The following RERE variants were observed in gnomAD, a reference collection of about 807,000 sequenced individuals.
The protein encoded by RERE is arginine-glutamic acid dipeptide repeats protein.
RERE carries 40 observed loss-of-function variants against 146.1 expected under a neutral mutation model. That is an observed-to-expected ratio of 0.27 (90% CI 0.21 to 0.36). The LOEUF (loss-of-function observed/expected upper bound fraction) is 0.36. Among genes scored for constraint, RERE ranks in the 10% least tolerant of loss-of-function variants. The pLI is 1.00. For missense variants in RERE, 1,933 were observed against 2,138.7 expected (o/e 0.90, Z 1.90); for synonymous variants, 1,003 against 866.0 (o/e 1.16, Z -2.78).
chr1:8,448,274 G>A (rs1372458246), intron 11 of RERE, among the ~76,000 whole-genome samples: 2 of 152,170 alleles, frequency 1.3e-5, no homozygotes, highest in Non-Finnish European at 2.9e-5. Flanking sequence ...TTCTTAGTGA[G>A]AGGACCAATG....
intron 1 of RERE, among the ~76,000 whole-genome samples, chr1:8,702,173 A>G (rs915241403): frequency 1.3e-5 from 2 of 152,192 alleles, no homozygotes; most frequent in Admixed American, 6.5e-5. Context: ...CTCAATCTTA[A>G]AACACAGAGG....
At chr1:8,779,620 G>A (rs566455444) in intron 1 of RERE, among the ~76,000 whole-genome samples, 4 of 151,926 alleles carry the variant, frequency 2.6e-5, no homozygotes, top group Middle Eastern at 3.4e-3. Flanking sequence ...CCGAGATCAC[G>A]CCACTGCACT....
intron 1 of RERE, among the ~76,000 whole-genome samples, chr1:8,804,621 C>T (rs1472228): frequency 0.8 from 121,163 of 152,146 alleles, 48,609 homozygotes; most frequent in East Asian, 0.95. Flanking sequence ...CGAAGGGACA[C>T]AGCAGAAGCG....
In RERE at chr1:8,361,167, C is replaced by T. The variant is rs550110060; in HGVS notation, c.2340G>A (p.Thr780=). The T allele has an allele frequency of 5.9e-5, 85 of 1,452,986 alleles. No individual in the cohort carries two copies. The highest frequency in any genetic ancestry group is 7.4e-5 in the Non-Finnish European group (82 of 1,108,496). The allele number at this position is 1,452,986 out of a possible 1,614,324, so 90.0% of individuals were successfully genotyped here. The stretch of plus-strand genomic sequence containing the variant: ...GTGGCTGGTTAGGGGCCTGGGAGGC[C>T]GTGGGGGAGCCCTGTGGGGGAACTG... ...ATAVPPQGSP[T]ASQAPNQPQA... is the part of the protein sequence containing the mutation. Residue 780 remains threonine (T), a synonymous_variant, in exon 18 of 23, where the codon ACG becomes ACA. Transcript: ENST00000400908.
intron 8 of RERE, among the ~76,000 whole-genome samples, chr1:8,502,474 GC>G (rs1200765090): frequency 7.9e-6 from 1 of 127,130 alleles, no homozygotes; most frequent in Non-Finnish European, 1.7e-5. Context: ...GGGGGGGTCA[GC>G]CCCCTGCCCG....
At chr1:8,616,104 C>A (rs189354412) in intron 3 of RERE, among the ~76,000 whole-genome samples, 1 of 152,148 alleles carries the variant, frequency 6.6e-6, no homozygotes, top group East Asian at 1.9e-4. Flanking sequence ...CCAGAAGCAT[C>A]AAAATAAAAA....
chr1:8,525,724 C>T (rs758568964), intron 7 of RERE: 2 of 1,571,966 alleles, frequency 1.3e-6, no homozygotes, highest in Admixed American at 1.9e-5. Context: ...CAAAACCCAT[C>T]ACTGTTTCGG....
chr1:8,789,301 A>AAAAAAAAAATATATAT, intron 1 of RERE, among the ~76,000 whole-genome samples: 1 of 24,810 alleles, frequency 4.0e-5, no homozygotes, highest in African/African-American at 2.3e-4. Context: ...AAAAAAAAAA[A>AAAAAAAAAATATATAT]ATATATATAT....
At chr1:8,487,352 G>A (rs1482627475) in intron 10 of RERE, among the ~76,000 whole-genome samples, 2 of 152,076 alleles carry the variant, frequency 1.3e-5, no homozygotes, top group Non-Finnish European at 2.9e-5. Context: ...GGAAGCTGAG[G>A]AGGATCACTT....
chr1:8,793,129 C>CCTGG (rs1005718423), intron 1 of RERE, among the ~76,000 whole-genome samples: 1 of 137,360 alleles, frequency 7.3e-6, no homozygotes, highest in African/African-American at 2.7e-5. Flanking sequence ...TGCACTCCAG[C>CCTGG]CTGGGAGACA....
In RERE at chr1:8,355,557, G is replaced by A. The variant is rs1553153672; in HGVS notation, c.4529C>T (p.Pro1510Leu). Residue 1510 changes from proline to leucine, a missense_variant, in exon 22 of 23, where the codon CCC (proline) becomes CTC (leucine). By Grantham distance (98) the Pro-to-Leu change is moderately conservative. Transcript: ENST00000400908. ...PRDLPGAIPP[P>L]MSAAHQLQAM... ...CTGCAGCTGGTGGGCTGCTGACATG[G>A]GGGGTGGGATGGCCCCAGGCAGGTC... is the stretch of plus-strand genomic sequence containing the variant. The A allele has an allele frequency of 6.2e-7, 1 of 1,605,160 alleles. No individual in the cohort carries two copies. Among genetic ancestry groups the A allele is most frequent in the Non-Finnish European group, 8.5e-7 (1 of 1,175,110 alleles).
chr1:8,400,142 CTAAT>C lies in RERE; in HGVS notation c.1284+22581_1284+22584del, dbSNP rs1229988142. Reference sequence around the variant, plus strand: ...TTTTTCTATATTTTCATTTGCTCCACTAATTAAGTGTCTACATTTTTAATATAAA... The same window carrying C: ...TTTTTCTATATTTTCATTTGCTCCACTAAGTGTCTACATTTTTAATATAAA... On this transcript the variant is annotated intron_variant, in intron 12 of 22. Coordinates refer to ENST00000400908, the MANE Select transcript of RERE (RefSeq NM_001042681.2). Among the ~76,000 whole-genome samples the C allele has an allele frequency of 5.3e-5, 8 of 152,004 alleles. No homozygotes were observed. The East Asian group carries it at 7.7e-4, about 15-fold the overall frequency.
intron 1 of RERE, among the ~76,000 whole-genome samples, chr1:8,783,854 C>G (rs558391572): frequency 3.7e-4 from 57 of 152,180 alleles, no homozygotes; most frequent in African/African-American, 1.1e-3. Flanking sequence ...TGGGTGGTCC[C>G]CAGAAAGATA....
intron 4 of RERE, among the ~76,000 whole-genome samples, chr1:8,560,250 T>TA (rs1646061920): frequency 6.6e-6 from 1 of 152,162 alleles, no homozygotes; most frequent in Non-Finnish European, 1.5e-5. Flanking sequence ...TGTGCACTGT[T>TA]AGATGCTTAT....
intron 1 of RERE, among the ~76,000 whole-genome samples, chr1:8,774,108 C>T (rs117752639): frequency 2.0e-5 from 3 of 152,146 alleles, no homozygotes; most frequent in Non-Finnish European, 4.4e-5. Context: ...AATCCACACA[C>T]GCAGCCAAAC....
rs1641591722 is a variant in RERE, at chr1:8,361,801, C to T, written c.1978G>A (p.Glu660Lys). ...QREKVASDTE[E>K]ADRTSSKKTK... Reference sequence around the variant, plus strand: ...TTCTTGGAGCTGGTCCTGTCAGCCTCCTCCGTATCAGAGGCCACCTTCTCC... The same window carrying T: ...TTCTTGGAGCTGGTCCTGTCAGCCTTCTCCGTATCAGAGGCCACCTTCTCC... Residue 660 changes from glutamate to lysine, a missense_variant, in exon 17 of 23, where the codon GAG becomes AAG. Physicochemically the swap from Glu to Lys is moderately conservative, Grantham distance 56. Around this residue, in one of 11 missense-constraint regions of RERE, gnomAD observed 1,255 missense variants for 1,153.8 expected, o/e 1.09. Coordinates refer to ENST00000400908, the MANE Select transcript of RERE (RefSeq NM_001042681.2). 2.5e-6 allele frequency: 4 copies of T among 1,613,966 alleles called. No homozygotes were observed. Among genetic ancestry groups the T allele is most frequent in the Non-Finnish European group, 3.4e-6 (4 of 1,179,924 alleles).
At chr1:8,403,580 A>G (rs1024231825) in intron 12 of RERE, among the ~76,000 whole-genome samples, 2 of 150,790 alleles carry the variant, frequency 1.3e-5, no homozygotes, top group South Asian at 4.2e-4. Context: ...TGGCCAGGCT[A>G]GTCTCAAACT....
chr1:8,700,729 C>T (rs1232916232), intron 1 of RERE, among the ~76,000 whole-genome samples: 1 of 152,082 alleles, frequency 6.6e-6, no homozygotes, highest in Non-Finnish European at 1.5e-5. Context: ...TAATCCTAGA[C>T]TAGTTAACAA....
chr1:8,677,856 T>C (rs1638878207), intron 1 of RERE, among the ~76,000 whole-genome samples: 1 of 152,226 alleles, frequency 6.6e-6, no homozygotes, highest in Admixed American at 6.5e-5. Context: ...ACACTGCTGA[T>C]GACAAACCAT....
Sources: gnomAD v4.1 joint callset for allele counts (sites outside exome capture counted in the v4.1 genomes callset) on GRCh38, gnomAD v4.1.1 for gene constraint, gnomAD v4.1.1 regional missense constraint, MANE v1.5 for transcripts, NCBI Gene and HGNC (gene_info 2026-07-23, HGNC 2026-07-21) for gene names.